Variants in CTNNA2 observed in about 807,000 individuals in gnomAD.
CTNNA2 encodes catenin alpha-2.
Under a neutral mutation model 101.0 loss-of-function variants are expected in CTNNA2, and 42 were observed. The ratio of observed to expected loss-of-function variants is 0.42; its 90% CI spans 0.32 to 0.54. The LOEUF (loss-of-function observed/expected upper bound fraction) is 0.54. CTNNA2 is among the 20% of genes least tolerant of loss of function. CTNNA2 has a pLI of 0.14. For missense variants in CTNNA2, 871 were observed against 1,223.1 expected, an observed-to-expected ratio of 0.71 and a Z score of 4.29; for synonymous variants, 450 against 456.4, an observed-to-expected ratio of 0.99 and a Z score of 0.18.
intron 7 of CTNNA2, among the ~76,000 whole-genome samples, chr2:80,384,770 C>G (rs944376512): frequency 7.9e-5 from 12 of 151,998 alleles, no homozygotes; most frequent in African/African-American, 2.7e-4. Flanking sequence ...GTGAATGAAC[C>G]TAGATGCCCT....
At chr2:79,569,217 G>C (rs1675313235) in intron 1 of CTNNA2, among the ~76,000 whole-genome samples, 1 of 152,146 alleles carries the variant, frequency 6.6e-6, no homozygotes. Flanking sequence ...TAGCGTGACA[G>C]GTGAATGCAC....
chr2:80,228,768 T>C (rs1375916054), intron 7 of CTNNA2, among the ~76,000 whole-genome samples: 1 of 152,158 alleles, frequency 6.6e-6, no homozygotes, highest in Non-Finnish European at 1.5e-5. Flanking sequence ...AATAGAGGGG[T>C]AAAGCTGGTT....
chr2:80,359,707 C>T (rs1674205675), intron 7 of CTNNA2, among the ~76,000 whole-genome samples: 1 of 152,124 alleles, frequency 6.6e-6, no homozygotes, highest in African/African-American at 2.4e-5. Flanking sequence ...CCCATTAAAC[C>T]TCTTCTCTTT....
At chr2:79,421,349 C>G (rs921153370) in intron 4 of CTNNA2, among the ~76,000 whole-genome samples, 1 of 152,004 alleles carries the variant, frequency 6.6e-6, no homozygotes, top group Non-Finnish European at 1.5e-5. Context: ...AAGGAACTTA[C>G]GCGAGAGCTG....
intron 3 of CTNNA2, among the ~76,000 whole-genome samples, chr2:79,317,435 T>C (rs550024374): frequency 6.6e-6 from 1 of 152,126 alleles, no homozygotes; most frequent in Admixed American, 6.5e-5. Flanking sequence ...TGGGTTGGGT[T>C]ATTTGATTTC....
intron 15 of CTNNA2, chr2:80,602,057 C>G (rs1697591905): frequency 6.6e-6 from 1 of 151,956 alleles, no homozygotes; most frequent in South Asian, 2.1e-4. Context: ...TTCAGCTTCC[C>G]CAACTGGAAA....
intron 1 of CTNNA2, among the ~76,000 whole-genome samples, chr2:79,650,577 T>G (rs896520523): frequency 6.6e-6 from 1 of 151,898 alleles, no homozygotes; most frequent in Non-Finnish European, 1.5e-5. Context: ...AGACTGACAT[T>G]GATGCCCCTT....
intron 3 of CTNNA2, among the ~76,000 whole-genome samples, chr2:79,843,032 G>T (rs1344346861): frequency 6.6e-6 from 1 of 152,026 alleles, no homozygotes; most frequent in African/African-American, 2.4e-5. Flanking sequence ...AACTACATCT[G>T]TTGATTATTG....
intron 18 of CTNNA2, among the ~76,000 whole-genome samples, chr2:80,636,647 G>A (rs1672912709): frequency 6.6e-6 from 1 of 151,982 alleles, no homozygotes; most frequent in Non-Finnish European, 1.5e-5. Context: ...ATGAATAGCT[G>A]GAATTTGGGG....
intron 7 of CTNNA2, among the ~76,000 whole-genome samples, chr2:80,329,191 C>T (rs2149259634): frequency 6.6e-6 from 1 of 152,302 alleles, no homozygotes; most frequent in East Asian, 1.9e-4. Context: ...TCCTTTCAAC[C>T]TTTATTTGAT....
intron 7 of CTNNA2, among the ~76,000 whole-genome samples, chr2:79,910,382 T>C (rs917418396): frequency 2.0e-5 from 3 of 152,186 alleles, no homozygotes; most frequent in African/African-American, 7.2e-5. Context: ...TCTAATTGTA[T>C]TTTGGCACAT....
At position 80,647,920 on chromosome 2, in the gene CTNNA2, T is replaced by C. The variant is rs554883222; in HGVS notation, c.*48T>C. The C allele has an allele frequency of 1.1e-4, 162 of 1,513,578 alleles. No homozygotes were observed. The South Asian group carries it at 2.1e-3, about 20-fold the overall frequency. 93.8% of individuals were successfully genotyped at this position (1,513,578 alleles called of 1,614,324 possible). On this transcript the variant is annotated 3_prime_UTR_variant, in exon 19 of 19. Transcript: ENST00000402739. Reference sequence around the variant, plus strand: ...GCTTTTTCTTTCTTTTCTTTCTTTCTTTTTCTTTTTAATTCCATTTTTGTA... The same window carrying C: ...GCTTTTTCTTTCTTTTCTTTCTTTCCTTTTCTTTTTAATTCCATTTTTGTA...
intron 3 of CTNNA2, among the ~76,000 whole-genome samples, chr2:79,373,190 A>T (rs910291531): frequency 6.6e-6 from 1 of 152,214 alleles, no homozygotes; most frequent in Non-Finnish European, 1.5e-5. Context: ...CTAAATGTAG[A>T]CGTGTGACTC....
intron 13 of CTNNA2, 51 bp downstream of exon 13, chr2:80,574,365 C>A: frequency 6.7e-7 from 1 of 1,492,602 alleles, no homozygotes; most frequent in Non-Finnish European, 9.0e-7. Context: ...TAGTAGGAAA[C>A]TAAAGAGCTA....
intron 9 of CTNNA2, among the ~76,000 whole-genome samples, chr2:80,453,068 A>T (rs1008336134): frequency 1.1e-4 from 17 of 152,078 alleles, no homozygotes; most frequent in Non-Finnish European, 2.9e-5. Flanking sequence ...CCCAGTGGGA[A>T]TTTGTTAAGG....
intron 7 of CTNNA2, among the ~76,000 whole-genome samples, chr2:80,065,828 T>C (rs762974418): frequency 2.6e-5 from 4 of 152,226 alleles, no homozygotes; most frequent in Non-Finnish European, 4.4e-5. Flanking sequence ...TAGCATACCA[T>C]AGCTCTCTTT....
chr2:79,277,825 A>G (rs1409248497), intron 2 of CTNNA2, among the ~76,000 whole-genome samples: 2 of 151,958 alleles, frequency 1.3e-5, no homozygotes. Context: ...GCTTTCACAG[A>G]CTCAATTTAC....
intron 7 of CTNNA2, among the ~76,000 whole-genome samples, chr2:79,960,188 A>G (rs549424073): frequency 6.6e-6 from 1 of 152,336 alleles, no homozygotes; most frequent in Admixed American, 6.5e-5. Context: ...CAAAAGAAAA[A>G]GCCATTCTCT....
intron 7 of CTNNA2, among the ~76,000 whole-genome samples, chr2:79,923,509 G>A (rs766336053): frequency 2.0e-5 from 3 of 152,144 alleles, no homozygotes; most frequent in Non-Finnish European, 4.4e-5. Context: ...GTTTGGATAT[G>A]TGTATAAATT....
Sources: allele counts gnomAD v4.1 joint callset (sites outside exome capture counted in the v4.1 genomes callset), GRCh38; gene constraint gnomAD v4.1.1; transcripts MANE v1.5; gene names NCBI Gene and HGNC (gene_info 2026-07-23, HGNC 2026-07-21).